Variants in IFT122 observed in about 807,000 individuals in gnomAD.
The protein encoded by IFT122 is intraflagellar transport protein 122 homolog.
In IFT122, 118 loss-of-function variants were observed where a neutral mutation model predicts 161.6. The observed-to-expected ratio is 0.73, with a 90% CI of 0.63 to 0.85. The LOEUF (loss-of-function observed/expected upper bound fraction) is 0.85, where lower values mean the gene tolerates loss of function less well. IFT122 is among the 40% of genes least tolerant of loss of function. The pLI is 0.00. For synonymous variants in IFT122, 550 were observed against 602.4 expected (o/e 0.91, Z 1.27); for missense variants, 1,381 against 1,579.6 (o/e 0.87, Z 2.13).
intron 26 of IFT122, among the ~76,000 whole-genome samples, chr3:129,516,863 T>A (rs1276344170): frequency 2.0e-5 from 2 of 101,480 alleles, no homozygotes; most frequent in Non-Finnish European, 3.8e-5. Flanking sequence ...ACACAGAGGC[T>A]GCCCCTGCAC....
At chr3:129,511,742 G>A (rs752504797) in intron 23 of IFT122, among the ~76,000 whole-genome samples, 16 of 152,218 alleles carry the variant, frequency 1.1e-4, no homozygotes, top group Non-Finnish European at 2.1e-4. Context: ...CAGCAGTTGA[G>A]GAACTCCGCA....
At chr3:129,480,022 A>C in intron 13 of IFT122, 100 bp downstream of exon 13, 1 of 1,443,306 alleles carries the variant, frequency 6.9e-7, no homozygotes, top group Non-Finnish European at 9.7e-7. Context: ...AGGGCAGGAA[A>C]AGGGCTTCTC....
chr3:129,462,361 A>G (rs2076292818), intron 5 of IFT122, among the ~76,000 whole-genome samples: 2 of 152,202 alleles, frequency 1.3e-5, no homozygotes, highest in Admixed American at 1.3e-4. Flanking sequence ...GCACTGTTCT[A>G]AGGATTAGAA....
Position 129,458,586 on chromosome 3 carries a change from C to G in IFT122, c.194-13C>G. ...GATAAATGTAAGACTTTCCATTTTA[C>G]AAACACTTTTAGGCAAGCGCTTTGC... On this transcript the variant is annotated splice_polypyrimidine_tract_variant and intron_variant, in intron 3 of 29. Transcript: ENST00000348417. The G allele has an allele frequency of 6.2e-7, 1 of 1,611,706 alleles. No individual in the cohort carries two copies. Among genetic ancestry groups the G allele is most frequent in the Non-Finnish European group, 8.5e-7 (1 of 1,177,764 alleles).
chr3:129,518,320 C>T (rs545268036), intron 27 of IFT122, among the ~76,000 whole-genome samples: 2 of 152,376 alleles, frequency 1.3e-5, no homozygotes, highest in East Asian at 1.9e-4. Context: ...GCAGGCCACA[C>T]TTGCAGGCTG....
Position 129,440,380 on chromosome 3 carries a change from C to A in IFT122, c.41+9C>A. ...GATAAAGCCGAGCACTGGTGAGGAG[C>A]GGGGCGGTTCGCGAAGAGCAGGAGG... On this transcript the variant is annotated intron_variant, in intron 1 of 29. Coordinates refer to ENST00000348417, the MANE Select transcript of IFT122 (RefSeq NM_052989.3). 1 of 1,549,822 alleles carries A rather than the reference C, an allele frequency of 6.5e-7. No individual in the cohort carries two copies. Among genetic ancestry groups the A allele is most frequent in the Non-Finnish European group, 8.7e-7 (1 of 1,146,768 alleles).
intron 24 of IFT122, chr3:129,514,016 C>G: frequency 5.4e-6 from 2 of 369,552 alleles, no homozygotes; most frequent in Non-Finnish European, 1.1e-5. Context: ...CCCCACCTGG[C>G]AGGGTGAGAG....
At chr3:129,449,061 A>C (rs2074410813) in intron 1 of IFT122, among the ~76,000 whole-genome samples, 1 of 152,092 alleles carries the variant, frequency 6.6e-6, no homozygotes, top group South Asian at 2.1e-4. Context: ...GAAAAAAATA[A>C]TTTCTTGGGC....
chr3:129,448,511 A>C (rs560853255), intron 1 of IFT122, among the ~76,000 whole-genome samples: 17 of 152,096 alleles, frequency 1.1e-4, no homozygotes, highest in Non-Finnish European at 2.4e-4. Flanking sequence ...TTTATTATGC[A>C]GTTGGGTTAT....
At chr3:129,456,499 T>C (rs1234300023) in intron 3 of IFT122, among the ~76,000 whole-genome samples, 2 of 148,214 alleles carry the variant, frequency 1.3e-5, no homozygotes, top group Non-Finnish European at 3.0e-5. Flanking sequence ...TAGCTGGGCA[T>C]GGTGGTGTGT....
At chr3:129,506,853 A>C (rs2082243104) in intron 22 of IFT122, among the ~76,000 whole-genome samples, 1 of 152,200 alleles carries the variant, frequency 6.6e-6, no homozygotes, top group African/African-American at 2.4e-5. Flanking sequence ...ACTGGGTTTT[A>C]AATTTTTTTA....
intron 9 of IFT122, among the ~76,000 whole-genome samples, chr3:129,475,307 A>G (rs1265085343): frequency 1.3e-5 from 2 of 152,200 alleles, no homozygotes; most frequent in Admixed American, 6.5e-5. Flanking sequence ...TGGTGCATTC[A>G]CTTGAAAAGT....
At position 129,507,776 on chromosome 3, in the gene IFT122, G is replaced by C; in HGVS notation, c.2886+14G>C. 1.3e-6 allele frequency: 2 copies of C among 1,599,972 alleles called. No individual in the cohort carries two copies. The highest frequency in any genetic ancestry group is 8.6e-7 in the Non-Finnish European group (1 of 1,167,214). ...CATCGCCACACGGTAAGGTGGCTGG[G>C]TCACCAGCACCTGAGGGTACCATCT... On this transcript the variant is annotated intron_variant, in intron 23 of 29. Transcript: ENST00000348417.
chr3:129,495,361 T>C (rs1037832753), intron 17 of IFT122, 85 bp from the exon 18 acceptor site: 1 of 1,561,034 alleles, frequency 6.4e-7, no homozygotes, highest in African/African-American at 1.4e-5. Context: ...GGGGCCTCAC[T>C]TGAAATAGCC....
At chr3:129,491,774 C>CT (rs1577836425) in intron 16 of IFT122, among the ~76,000 whole-genome samples, 2 of 152,310 alleles carry the variant, frequency 1.3e-5, no homozygotes, top group East Asian at 3.9e-4. Context: ...TGCATCTCAT[C>CT]CTCTCCTGCT....
chr3:129,450,865 C>T (rs1209262790), intron 2 of IFT122, among the ~76,000 whole-genome samples: 4 of 151,720 alleles, frequency 2.6e-5, no homozygotes, highest in Non-Finnish European at 4.4e-5. Flanking sequence ...GGACTACAGG[C>T]GCCTGCCGCT....
At chr3:129,452,668 G>A (rs1051742701) in intron 3 of IFT122, among the ~76,000 whole-genome samples, 3 of 152,192 alleles carry the variant, frequency 2.0e-5, no homozygotes, top group African/African-American at 2.4e-5. Context: ...CAGACATGGG[G>A]TGGTCAGATC....
rs1577083819 is a variant in IFT122 at position 129,440,433 on chromosome 3, C to T, written c.41+62C>T. The T allele has an allele frequency of 7.8e-6, 12 of 1,535,236 alleles. No homozygotes were observed. In the East Asian group the frequency reaches 2.7e-4, roughly 34 times the overall value. ...GAGTCCTCGCGGGGAGTGCGCGAGC[C>T]GCTGCAGCGTGTTTGAGGGGGGCAG... On this transcript the variant is annotated intron_variant, in intron 1 of 29. Transcript: ENST00000348417.
chr3:129,512,724 G>A, intron 24 of IFT122: 1 of 433,234 alleles, frequency 2.3e-6, no homozygotes, highest in Non-Finnish European at 4.3e-6. Flanking sequence ...GAAGCACCAG[G>A]CCTTCAGGCT....
Sources: allele counts gnomAD v4.1 joint callset (sites outside exome capture counted in the v4.1 genomes callset), GRCh38; gene constraint gnomAD v4.1.1; transcripts MANE v1.5; gene names NCBI Gene and HGNC (gene_info 2026-07-23, HGNC 2026-07-21).